Variants in NAALADL2 observed in about 807,000 individuals in gnomAD.
The protein encoded by NAALADL2 is N-acetylated alpha-linked acidic dipeptidase like 2.
Under a neutral mutation model 87.2 loss-of-function variants are expected in NAALADL2, and 76 were observed. The observed-to-expected ratio is 0.87, with a 90% CI of 0.72 to 1.05. The LOEUF (loss-of-function observed/expected upper bound fraction) is 1.05, where lower values mean the gene tolerates loss of function less well. NAALADL2 is among the 50% of genes least tolerant of loss of function. The probability of loss-of-function intolerance (pLI) is 0.00; values close to 1 mark genes in which losing one functional copy is unlikely to be tolerated. For synonymous variants in NAALADL2, 354 were observed against 331.0 expected (o/e 1.07, Z -0.75); for missense variants, 1,089 against 945.8 (o/e 1.15, Z -1.99).
At chr3:174,664,217 T>G (rs937165066) in intron 2 of NAALADL2, among the ~76,000 whole-genome samples, 9 of 152,244 alleles carry the variant, frequency 5.9e-5, no homozygotes, top group Non-Finnish European at 1.2e-4. Context: ...AAAATACCTG[T>G]ACAATTTAAG....
chr3:174,458,456 A>T (rs1471803373), intron 1 of NAALADL2: 1 of 152,218 alleles, frequency 6.6e-6, no homozygotes, highest in Non-Finnish European at 1.5e-5. Context: ...AATACTTAAT[A>T]AATGTTATTT....
chr3:174,954,550 G>A (rs1030313222), intron 1 of NAALADL2, among the ~76,000 whole-genome samples: 1 of 152,102 alleles, frequency 6.6e-6, no homozygotes, highest in Non-Finnish European at 1.5e-5. Flanking sequence ...GCCAAAGTTA[G>A]ATAAAAGAGT....
intron 5 of NAALADL2, 98 bp downstream of exon 5, chr3:175,324,423 A>C (rs1760427564): frequency 1.1e-6 from 1 of 881,936 alleles, no homozygotes; most frequent in African/African-American, 1.7e-5. Flanking sequence ...GATGTCAAAT[A>C]ATTCTTAGCA....
chr3:175,643,020 T>G (rs1479727208), intron 11 of NAALADL2, among the ~76,000 whole-genome samples: 1 of 152,136 alleles, frequency 6.6e-6, no homozygotes, highest in East Asian at 1.9e-4. Context: ...CAGAGATATA[T>G]TTGAAAAGAA....
chr3:175,658,719 G>A (rs1437438011), intron 11 of NAALADL2, among the ~76,000 whole-genome samples: 1 of 152,164 alleles, frequency 6.6e-6, no homozygotes, highest in Non-Finnish European at 1.5e-5. Context: ...GAAAATGTAT[G>A]AGTATATCCA....
intron 9 of NAALADL2, among the ~76,000 whole-genome samples, chr3:175,555,500 T>G (rs542486418): frequency 6.6e-6 from 1 of 152,294 alleles, no homozygotes; most frequent in African/African-American, 2.4e-5. Flanking sequence ...AAACAATATA[T>G]TCCTTATCAT....
At chr3:175,120,241 T>C (rs1560052995) in intron 2 of NAALADL2, among the ~76,000 whole-genome samples, 1 of 151,748 alleles carries the variant, frequency 6.6e-6, no homozygotes, top group Non-Finnish European at 1.5e-5. Flanking sequence ...ATGCTCTGGG[T>C]TCTTCCTTTC....
intron 11 of NAALADL2, among the ~76,000 whole-genome samples, chr3:175,656,312 T>G (rs1047007113): frequency 1.3e-5 from 2 of 152,216 alleles, no homozygotes; most frequent in African/African-American, 4.8e-5. Context: ...GCATATTTGT[T>G]TAATATCTAA....
At chr3:175,776,210 C>G (rs1750214879) in intron 13 of NAALADL2, 1 of 152,074 alleles carries the variant, frequency 6.6e-6, no homozygotes, top group Non-Finnish European at 1.5e-5. Context: ...TAAAACAAAT[C>G]AGACATTCTC....
At chr3:175,130,227 G>T (rs773176003) in intron 2 of NAALADL2, among the ~76,000 whole-genome samples, 2 of 151,868 alleles carry the variant, frequency 1.3e-5, no homozygotes, top group Non-Finnish European at 2.9e-5. Flanking sequence ...ATAAATTTTG[G>T]ATATTAACTT....
intron 8 of NAALADL2, among the ~76,000 whole-genome samples, chr3:175,470,836 T>A (rs1724754654): frequency 6.6e-6 from 1 of 152,178 alleles, no homozygotes; most frequent in Non-Finnish European, 1.5e-5. Flanking sequence ...AGGTTTTTTT[T>A]AAGGTAATAT....
At chr3:175,377,641 T>C (rs1220222242) in intron 5 of NAALADL2, among the ~76,000 whole-genome samples, 3 of 152,168 alleles carry the variant, frequency 2.0e-5, no homozygotes, top group Non-Finnish European at 4.4e-5. Context: ...TGAGAACTTA[T>C]ATCCCTGTTT....
chr3:175,241,012 C>A (rs1029190279), intron 3 of NAALADL2, among the ~76,000 whole-genome samples: 1 of 151,992 alleles, frequency 6.6e-6, no homozygotes, highest in Admixed American at 6.6e-5. Flanking sequence ...TATTAGTCTC[C>A]CTTATTTTTC....
intron 2 of NAALADL2, among the ~76,000 whole-genome samples, chr3:175,141,967 A>G (rs1457306536): frequency 6.6e-6 from 1 of 152,048 alleles, no homozygotes; most frequent in Non-Finnish European, 1.5e-5. Context: ...CTGAAGACGT[A>G]AAAGTATAGC....
At chr3:175,050,867 G>C (rs750863908) in intron 1 of NAALADL2, among the ~76,000 whole-genome samples, 3 of 152,104 alleles carry the variant, frequency 2.0e-5, no homozygotes, top group Non-Finnish European at 2.9e-5. Flanking sequence ...CAGGATGTGA[G>C]TTGTGTTGAC....
chr3:175,428,010 C>G (rs1163965199), intron 5 of NAALADL2, among the ~76,000 whole-genome samples: 1 of 151,932 alleles, frequency 6.6e-6, no homozygotes, highest in East Asian at 1.9e-4. Flanking sequence ...TTTTTTGAAA[C>G]CATGTACTCA....
At position 174,566,977 on chromosome 3, in the gene NAALADL2, C is replaced by T. The variant is rs570269847; in HGVS notation, c.-115+16340C>T. 5.3e-5 allele frequency among the ~76,000 whole-genome samples: 8 copies of T among 151,582 alleles called. No individual in the cohort carries two copies. In the South Asian group the frequency reaches 8.3e-4, roughly 16 times the overall value. ...TAAGTATATATCAAAGATGCTGAAA[C>T]TGTTGTGGCCATTTCAATAGTCATC... On this transcript the variant is annotated intron_variant, in intron 2 of 3. Coordinates refer to the NAALADL2 transcript ENST00000434257.
At chr3:175,195,121 C>T (rs965095084) in intron 2 of NAALADL2, among the ~76,000 whole-genome samples, 2 of 151,396 alleles carry the variant, frequency 1.3e-5, no homozygotes, top group East Asian at 1.9e-4. Flanking sequence ...TCATTTATGC[C>T]AGTAATGATA....
intron 2 of NAALADL2, among the ~76,000 whole-genome samples, chr3:174,640,896 A>G (rs548537869): frequency 4.6e-5 from 7 of 152,260 alleles, no homozygotes; most frequent in African/African-American, 1.4e-4. Context: ...GCCATGAAAA[A>G]AAGTCACCTG....
Sources: allele counts gnomAD v4.1 joint callset (sites outside exome capture counted in the v4.1 genomes callset), GRCh38; gene constraint gnomAD v4.1.1; transcripts MANE v1.5; gene names NCBI Gene and HGNC (gene_info 2026-07-23, HGNC 2026-07-21).